Variants in WRN observed in about 807,000 individuals in gnomAD.
WRN encodes bifunctional 3'-5' exonuclease/ATP-dependent helicase WRN.
WRN carries 149 observed loss-of-function variants against 180.7 expected under a neutral mutation model. The ratio of observed to expected loss-of-function variants is 0.82; its 90% CI spans 0.72 to 0.94. WRN has a LOEUF of 0.94. Ranked by LOEUF, WRN falls within the 40% of genes least tolerant of loss-of-function variation. The pLI is 0.00. For synonymous variants in WRN, 548 were observed against 568.9 expected (o/e 0.96, Z 0.52); for missense variants, 1,661 against 1,700.1 (o/e 0.98, Z 0.40).
chr8:31,047,967 C>T (rs780036325), intron 1 of WRN, among the ~76,000 whole-genome samples: 18 of 152,164 alleles, frequency 1.2e-4, no homozygotes, highest in Non-Finnish European at 2.4e-4. Context: ...CAGCAAAGAA[C>T]GTAGCTTTTA....
chr8:31,058,802 A>G (rs1812374573), intron 2 of WRN, among the ~76,000 whole-genome samples: 1 of 152,350 alleles, frequency 6.6e-6, no homozygotes, highest in Admixed American at 6.5e-5. Context: ...AATTTAGACA[A>G]CATTAACTTT....
chr8:31,033,995 G>T (rs1045777911), intron 1 of WRN, 22 bp downstream of exon 1: 1 of 152,332 alleles, frequency 6.6e-6, no homozygotes, highest in Non-Finnish European at 1.5e-5. Context: ...TCCTATTCCC[G>T]TTTTCCCAGC....
At chr8:31,125,167 AATAG>A (rs1200647637) in intron 23 of WRN, among the ~76,000 whole-genome samples, 167 bp downstream of exon 23, 14 of 152,126 alleles carry the variant, frequency 9.2e-5, no homozygotes, top group South Asian at 6.2e-4. Flanking sequence ...TTGCTTAAAA[AATAG>A]ATAAAGCAAT....
intron 1 of WRN, among the ~76,000 whole-genome samples, chr8:31,048,727 A>G (rs571868217): frequency 6.6e-6 from 1 of 152,322 alleles, no homozygotes; most frequent in East Asian, 1.9e-4. Context: ...TAAAAATAAC[A>G]TAATTGTGTT....
intron 1 of WRN, among the ~76,000 whole-genome samples, chr8:31,048,568 A>G (rs1302116144): frequency 1.3e-5 from 2 of 152,196 alleles, no homozygotes; most frequent in South Asian, 2.1e-4. Flanking sequence ...AGTTACTAGT[A>G]TATACGTAAG....
intron 6 of WRN, 63 bp from the exon 7 acceptor site, chr8:31,068,195 G>A: frequency 8.2e-7 from 1 of 1,226,102 alleles, no homozygotes; most frequent in Admixed American, 2.0e-5. Context: ...TCTGAAGATG[G>A]GACTTACTGT....
intron 24 of WRN, among the ~76,000 whole-genome samples, chr8:31,134,012 T>C (rs2130383180): frequency 6.6e-6 from 1 of 152,296 alleles, no homozygotes; most frequent in East Asian, 1.9e-4. Flanking sequence ...TGACAGTCTC[T>C]TCTGGGAGTC....
chr8:31,083,305 G>A (rs1427790205), intron 9 of WRN, among the ~76,000 whole-genome samples: 1 of 152,148 alleles, frequency 6.6e-6, no homozygotes, highest in Non-Finnish European at 1.5e-5. Flanking sequence ...ATCAGTGGAT[G>A]TCAAGGAACA....
rs1230193428 is a variant in WRN, at chr8:31,127,701, C to T, written c.2825+2701C>T. Among the ~76,000 whole-genome samples, 3 of 151,880 alleles carry T rather than the reference C, an allele frequency of 2.0e-5. No homozygotes were observed. The East Asian group carries it at 5.8e-4, about 29-fold the overall frequency. Reference sequence around the variant, plus strand: ...CTGAGGTGGGAGGATCACTTGAGACCAGGATTTTTAAGACCAGTCTGGGCA... The same window carrying T: ...CTGAGGTGGGAGGATCACTTGAGACTAGGATTTTTAAGACCAGTCTGGGCA... On this transcript the variant is annotated intron_variant, in intron 23 of 34. Coordinates refer to ENST00000298139, the MANE Select transcript of WRN (RefSeq NM_000553.6).
At chr8:31,037,243 C>T (rs1316173832) in intron 1 of WRN, among the ~76,000 whole-genome samples, 2 of 152,170 alleles carry the variant, frequency 1.3e-5, no homozygotes, top group Non-Finnish European at 2.9e-5. Context: ...CCCTTGCATG[C>T]GCAATTCACA....
intron 34 of WRN, among the ~76,000 whole-genome samples, chr8:31,169,395 C>A (rs1410731452): frequency 6.6e-6 from 1 of 151,772 alleles, no homozygotes; most frequent in African/African-American, 2.4e-5. Context: ...CTGAAGACTT[C>A]TATAATTTTT....
In WRN at chr8:31,120,393, C is replaced by T. The variant is rs1801679603; in HGVS notation, c.2599C>T (p.Leu867Phe). The T allele has an allele frequency of 6.2e-7, 1 of 1,612,506 alleles. No homozygotes were observed. The highest frequency in any genetic ancestry group is 8.5e-7 in the Non-Finnish European group (1 of 1,179,012). ...RDGLQSSCHV[L>F]WAPADINLNR... ...TGGACTTCAAAGTTCTTGTCACGTC[C>T]TCTGGGCTCCTGCAGACATTAACTT... Residue 867 changes from leucine (L) to phenylalanine (F), a missense_variant, in exon 21 of 35, where the codon CTC becomes TTC. Leu to Phe is a conservative substitution (Grantham distance 22). Coordinates refer to ENST00000298139, the MANE Select transcript of WRN (RefSeq NM_000553.6).
At chr8:31,143,356 C>A (rs915504376) in intron 27 of WRN, among the ~76,000 whole-genome samples, 194 bp from the exon 28 acceptor site, 1 of 152,116 alleles carries the variant, frequency 6.6e-6, no homozygotes, top group African/African-American at 2.4e-5. Context: ...AGAGATAAGA[C>A]ATTGGAATGC....
intron 32 of WRN, 83 bp downstream of exon 32, chr8:31,154,838 G>T (rs575106001): frequency 1.3e-6 from 2 of 1,534,872 alleles, no homozygotes; most frequent in Non-Finnish European, 1.8e-6. Context: ...TTAAAGTTCT[G>T]ACTTGGGATC....
At chr8:31,126,330 A>G (rs986979159) in intron 23 of WRN, among the ~76,000 whole-genome samples, 2 of 152,202 alleles carry the variant, frequency 1.3e-5, no homozygotes, top group South Asian at 2.1e-4. Flanking sequence ...CTAGAAAACA[A>G]TAACAGAAAG....
rs180960434 is a variant in WRN, at chr8:31,099,573, T to G, written c.1982-1276T>G. Reference sequence around the variant, plus strand: ...TTTTTTTTTGTTTGTTTGTTTGTTTTTTTTTTTTGTCTTTCTTCTCCACAC... The same window carrying G: ...TTTTTTTTTGTTTGTTTGTTTGTTTGTTTTTTTTGTCTTTCTTCTCCACAC... On this transcript the variant is annotated intron_variant, in intron 17 of 34. Transcript: ENST00000298139. 9.2e-4 allele frequency among the ~76,000 whole-genome samples: 139 copies of G among 151,632 alleles called. No homozygotes were observed. The East Asian group carries it at 9.3e-3, about 10-fold the overall frequency.
At chr8:31,164,338 T>A (rs1252490300) in intron 33 of WRN, among the ~76,000 whole-genome samples, 1 of 152,218 alleles carries the variant, frequency 6.6e-6, no homozygotes, top group East Asian at 1.9e-4. Flanking sequence ...GTTATTTTCA[T>A]ATTTTATTTA....
At chr8:31,160,160 T>G (rs1343218738) in intron 33 of WRN, among the ~76,000 whole-genome samples, 1 of 152,184 alleles carries the variant, frequency 6.6e-6, no homozygotes. Flanking sequence ...TAACAACGAA[T>G]TCTGCTTCTA....
In WRN at chr8:31,173,569, C is replaced by A. The variant is rs369778842; in HGVS notation, c.*467C>A. ...TGTCTTTTGAAGAAGTTCTTAAATACGTTGTTAAATGGTATTAGTTGACCA... is the reference window on the plus strand; with the variant it reads ...TGTCTTTTGAAGAAGTTCTTAAATAAGTTGTTAAATGGTATTAGTTGACCA... On this transcript the variant is annotated 3_prime_UTR_variant, in exon 35 of 35. Transcript: ENST00000298139. 5.5e-6 allele frequency: 1 copy of A among 180,406 alleles called. No homozygotes were observed. Among genetic ancestry groups the A allele is most frequent in the Non-Finnish European group, 1.2e-5 (1 of 84,854 alleles). 11.2% of individuals were successfully genotyped at this position (180,406 alleles called of 1,614,324 possible).
Sources: allele counts gnomAD v4.1 joint callset (sites outside exome capture counted in the v4.1 genomes callset), GRCh38; gene constraint gnomAD v4.1.1; transcripts MANE v1.5; gene names NCBI Gene and HGNC (gene_info 2026-07-23, HGNC 2026-07-21).